The following SLC13A3 variants were observed in gnomAD, a reference collection of about 807,000 sequenced individuals.
SLC13A3 encodes the protein Na(+)/dicarboxylate cotransporter 3.
Under a neutral mutation model 59.0 loss-of-function variants are expected in SLC13A3, and 40 were observed. The observed-to-expected ratio is 0.68, with a 90% CI of 0.53 to 0.88. The LOEUF is 0.88. SLC13A3 is among the 40% of genes least tolerant of loss of function. The pLI, the probability that SLC13A3 is intolerant of heterozygous loss-of-function variation, is 0.00. For synonymous variants in SLC13A3, 317 were observed against 330.3 expected, an observed-to-expected ratio of 0.96 and a Z score of 0.44; for missense variants, 699 against 783.2, an observed-to-expected ratio of 0.89 and a Z score of 1.28.
At chr20:46,608,888 G>A (rs1469023148) in intron 3 of SLC13A3, 1 of 1,549,800 alleles carries the variant, frequency 6.5e-7, no homozygotes, top group Admixed American at 2.0e-5. Flanking sequence ...TGGGTCCCAG[G>A]TGCCATCATA....
upstream of SLC13A3, among the ~76,000 whole-genome samples, chr20:46,655,306 C>T (rs1342078924): frequency 3.3e-5 from 5 of 149,644 alleles, no homozygotes; most frequent in Admixed American, 1.3e-4. Context: ...CATATATACA[C>T]ACACATATAT....
upstream of SLC13A3, among the ~76,000 whole-genome samples, chr20:46,654,965 G>C (rs775171842): frequency 8.4e-4 from 128 of 152,222 alleles, 1 homozygote; most frequent in South Asian, 1.9e-3. Flanking sequence ...TATTTTCTTT[G>C]AGCACTTGAG....
intron 2 of SLC13A3, among the ~76,000 whole-genome samples, chr20:46,611,337 A>G (rs916080752): frequency 1.3e-5 from 2 of 152,182 alleles, no homozygotes; most frequent in African/African-American, 4.8e-5. Flanking sequence ...AGCCCTACTC[A>G]TTATTCAAAG....
chr20:46,625,451 A>T (rs763426266), intron 1 of SLC13A3, among the ~76,000 whole-genome samples: 1 of 152,238 alleles, frequency 6.6e-6, no homozygotes, highest in Non-Finnish European at 1.5e-5. Context: ...ATTTTAGAGC[A>T]CTAGCTGGAG....
chr20:46,657,321 C>T (rs1007763285), intron 1 of SLC13A3, among the ~76,000 whole-genome samples: 3 of 150,614 alleles, frequency 2.0e-5, no homozygotes, highest in Non-Finnish European at 2.9e-5. Flanking sequence ...TACAGTGAGC[C>T]GAGATCGCAC....
At chr20:46,582,773 G>C in intron 9 of SLC13A3, 1 of 985,334 alleles carries the variant, frequency 1.0e-6, no homozygotes, top group Non-Finnish European at 1.2e-6. Flanking sequence ...TTTGATTATA[G>C]TCCCTATTTC....
chr20:46,664,442 G>C (rs888889193), intron 1 of SLC13A3, among the ~76,000 whole-genome samples: 7 of 152,064 alleles, frequency 4.6e-5, no homozygotes, highest in African/African-American at 1.7e-4. Flanking sequence ...ACTTGGTTTT[G>C]CTCATTAGCA....
chr20:46,579,555 C>A (rs1322613853), intron 9 of SLC13A3, among the ~76,000 whole-genome samples: 1 of 152,222 alleles, frequency 6.6e-6, no homozygotes, highest in Admixed American at 6.5e-5. Flanking sequence ...TCAGCCAAGT[C>A]TGCACAGGGT....
chr20:46,599,783 AT>A (rs926286918), intron 4 of SLC13A3, among the ~76,000 whole-genome samples, 187 bp downstream of exon 4: 4 of 151,014 alleles, frequency 2.6e-5, no homozygotes, highest in Admixed American at 6.6e-5. Context: ...CCATGTCTGC[AT>A]TTTTTTTTAA....
intron 1 of SLC13A3, among the ~76,000 whole-genome samples, chr20:46,643,438 A>G (rs182123226): frequency 6.2e-4 from 95 of 152,280 alleles, no homozygotes; most frequent in Admixed American, 2.2e-3. Flanking sequence ...GGGAGAACAG[A>G]GGTTCAGAAC....
chr20:46,566,135 A>G (rs2146080914), intron 11 of SLC13A3, 94 bp downstream of exon 11: 1 of 1,022,566 alleles, frequency 9.8e-7, no homozygotes, highest in Admixed American at 1.9e-5. Context: ...AGCAATGGCA[A>G]CTGTGGCCCC....
upstream of SLC13A3, among the ~76,000 whole-genome samples, chr20:46,655,891 A>AAT (rs1251493941): frequency 7.2e-6 from 1 of 139,172 alleles, no homozygotes; most frequent in South Asian, 2.2e-4. Context: ...TACTGTATAT[A>AAT]ATATATATAC....
rs771432524 is a variant in SLC13A3 at position 46,560,079 on chromosome 20, C to G, written c.1752G>C (p.Ser584=). 5 of 1,614,052 alleles carry G rather than the reference C, an allele frequency of 3.1e-6. No individual in the cohort carries two copies. The highest frequency in any genetic ancestry group is 4.2e-6 in the Non-Finnish European group (5 of 1,179,998). The change falls in exon 13 of 13, where the codon TCG becomes TCC. Residue 584 remains serine (S), a synonymous_variant. Coordinates refer to ENST00000279027, the MANE Select transcript of SLC13A3 (RefSeq NM_022829.6). ...TGGGTGGCAATGCTGTGACATTGAC[C>G]GAGTACATATCAGCCCAGTCCGGGA... is the stretch of plus-strand genomic sequence containing the variant. The part of the protein sequence containing the change: ...GTFPDWADMY[S]VNVTALPPTL...
At chr20:46,656,140 A>AT (rs1487946023), upstream of SLC13A3, among the ~76,000 whole-genome samples, 1 of 143,620 alleles carries the variant, frequency 7.0e-6, no homozygotes, top group Non-Finnish European at 1.5e-5. Flanking sequence ...CACAGTCTAT[A>AT]TTATACTGTA....
At chr20:46,580,991 A>C (rs1445831792) in intron 9 of SLC13A3, among the ~76,000 whole-genome samples, 4 of 152,254 alleles carry the variant, frequency 2.6e-5, no homozygotes, top group Non-Finnish European at 5.9e-5. Context: ...GTGCATATAA[A>C]TATGACTGCA....
intron 9 of SLC13A3, among the ~76,000 whole-genome samples, chr20:46,581,711 G>T (rs1037601754): frequency 1.3e-5 from 2 of 152,188 alleles, no homozygotes; most frequent in African/African-American, 4.8e-5. Flanking sequence ...AGGAAGTGGA[G>T]TTGGCAGAAG....
chr20:46,632,151 G>A (rs1692779339), intron 1 of SLC13A3, among the ~76,000 whole-genome samples: 1 of 152,160 alleles, frequency 6.6e-6, no homozygotes, highest in Admixed American at 6.5e-5. Context: ...CCACAGCAGT[G>A]CCCTCCTGCT....
chr20:46,583,081 A>AT (rs2062154449), intron 9 of SLC13A3: 1 of 985,772 alleles, frequency 1.0e-6, no homozygotes, highest in Non-Finnish European at 1.2e-6. Context: ...CCAAGGGGTC[A>AT]TTTTTCTGCA....
chr20:46,582,286 ATT>A (rs111617115), intron 9 of SLC13A3, among the ~76,000 whole-genome samples: 11 of 151,384 alleles, frequency 7.3e-5, no homozygotes, highest in African/African-American at 2.7e-4. Flanking sequence ...ACGCCCAGCT[ATT>A]TTTTTTATTT....
Sources: gnomAD v4.1 joint callset for allele counts (sites outside exome capture counted in the v4.1 genomes callset) on GRCh38, gnomAD v4.1.1 for gene constraint, MANE v1.5 for transcripts, NCBI Gene and HGNC (gene_info 2026-07-23, HGNC 2026-07-21) for gene names.